The following PARD3 variants were observed in gnomAD, a reference collection of about 807,000 sequenced individuals.
PARD3 encodes the protein par-3 family cell polarity regulator.
In PARD3, 75 loss-of-function variants were observed where a neutral mutation model predicts 155.4. That is an observed-to-expected ratio of 0.48 (90% CI 0.40 to 0.58). The LOEUF is 0.58. PARD3 is among the 20% of genes least tolerant of loss of function. The pLI is 0.00. For synonymous variants in PARD3, 576 were observed against 610.5 expected, an observed-to-expected ratio of 0.94 and a Z score of 0.83; for missense variants, 1,642 against 1,721.7, an observed-to-expected ratio of 0.95 and a Z score of 0.82.
chr10:34,507,550 A>AAAACAAAAAAC (rs1554880673), intron 3 of PARD3, among the ~76,000 whole-genome samples: 2 of 129,226 alleles, frequency 1.5e-5, no homozygotes, highest in African/African-American at 7.2e-5. Flanking sequence ...TAAAAAAACA[A>AAAACAAAAAAC]AAAAAAAAAA....
At chr10:34,553,150 A>G (rs2084723260) in intron 2 of PARD3, among the ~76,000 whole-genome samples, 1 of 152,182 alleles carries the variant, frequency 6.6e-6, no homozygotes. Context: ...AAGCCTGGGA[A>G]ATAGTCTCCT....
At chr10:34,786,448 C>CAT (rs1840973292) in intron 1 of PARD3, among the ~76,000 whole-genome samples, 1 of 152,204 alleles carries the variant, frequency 6.6e-6, no homozygotes, top group African/African-American at 2.4e-5. Context: ...TATTTTACAG[C>CAT]AGTTAGGCCC....
rs767937298 is a variant in PARD3, at chr10:34,111,319, G to A, written c.3912C>T (p.Pro1304=). Residue 1304 remains proline (P), a synonymous_variant, in exon 25 of 25, where the codon CCC becomes CCT. Transcript: ENST00000374788. ...CTTTCTTATACGAGTCATAGTTGCT[G>A]GGCCCCTCGGAAGGAGGCTGCTTCT... ...QMKKQPPSEG[P]SNYDSYKKVQ... 2 of 1,613,954 alleles carry A rather than the reference G, an allele frequency of 1.2e-6. No individual in the cohort carries two copies. The highest frequency in any genetic ancestry group is 1.7e-6 in the Non-Finnish European group (2 of 1,179,874).
At chr10:34,422,858 G>A (rs1008709527) in intron 5 of PARD3, among the ~76,000 whole-genome samples, 3 of 152,118 alleles carry the variant, frequency 2.0e-5, no homozygotes, top group African/African-American at 7.2e-5. Flanking sequence ...CGGCTATTAT[G>A]AAAAAGGGTA....
intron 22 of PARD3, among the ~76,000 whole-genome samples, chr10:34,219,963 C>G (rs890224687): frequency 1.3e-5 from 2 of 152,124 alleles, no homozygotes; most frequent in African/African-American, 4.8e-5. Context: ...TTTTGTTTTA[C>G]GAACGCATCA....
chr10:34,205,215 G>A (rs886453977), intron 22 of PARD3, among the ~76,000 whole-genome samples: 3 of 152,154 alleles, frequency 2.0e-5, no homozygotes, highest in Non-Finnish European at 4.4e-5. Flanking sequence ...TGATGCTGAG[G>A]TCACTGGGAC....
At chr10:34,316,839 A>G (rs935433187) in intron 20 of PARD3, among the ~76,000 whole-genome samples, 2 of 152,220 alleles carry the variant, frequency 1.3e-5, no homozygotes, top group Admixed American at 6.5e-5. Context: ...AGATTATACA[A>G]GAATTTTGGT....
At chr10:34,431,192 C>T (rs2075880097) in intron 5 of PARD3, among the ~76,000 whole-genome samples, 1 of 152,146 alleles carries the variant, frequency 6.6e-6, no homozygotes, top group South Asian at 2.1e-4. Context: ...ACCCCTGATG[C>T]TACCCCTTCA....
At chr10:34,190,995 C>T (rs780293202) in intron 22 of PARD3, among the ~76,000 whole-genome samples, 26 of 151,978 alleles carry the variant, frequency 1.7e-4, no homozygotes, top group Non-Finnish European at 3.5e-4. Context: ...AGCCCAGACC[C>T]CTTAAGACAG....
At chr10:34,567,786 T>A (rs990574014) in intron 2 of PARD3, among the ~76,000 whole-genome samples, 1 of 152,192 alleles carries the variant, frequency 6.6e-6, no homozygotes, top group Non-Finnish European at 1.5e-5. Context: ...CGTGAAGCTA[T>A]CAATATTGTA....
chr10:34,734,011 T>C (rs1174737223), intron 1 of PARD3, among the ~76,000 whole-genome samples: 2 of 151,796 alleles, frequency 1.3e-5, no homozygotes, highest in South Asian at 2.1e-4. Flanking sequence ...TTATTTCCCA[T>C]TGACAAAATT....
intron 21 of PARD3, among the ~76,000 whole-genome samples, chr10:34,276,838 C>CT (rs1413521705): frequency 6.6e-6 from 1 of 152,106 alleles, no homozygotes; most frequent in East Asian, 1.9e-4. Context: ...CAACACATCT[C>CT]TTTTTACATG....
intron 2 of PARD3, among the ~76,000 whole-genome samples, chr10:34,636,043 G>C (rs1309794593): frequency 6.6e-6 from 1 of 151,302 alleles, no homozygotes; most frequent in Non-Finnish European, 1.5e-5. Context: ...GAAGAAGAAA[G>C]AAAGAAAGAA....
At chr10:34,739,602 T>C (rs2094972613) in intron 1 of PARD3, among the ~76,000 whole-genome samples, 1 of 152,174 alleles carries the variant, frequency 6.6e-6, no homozygotes, top group Non-Finnish European at 1.5e-5. Context: ...TGATATCCCC[T>C]CCTCTTGCCC....
intron 1 of PARD3, among the ~76,000 whole-genome samples, chr10:34,733,553 G>A (rs1022945145): frequency 5.9e-5 from 9 of 152,178 alleles, no homozygotes; most frequent in Middle Eastern, 3.4e-3. Flanking sequence ...GCACCATCTC[G>A]GCTCACCACG....
intron 4 of PARD3, among the ~76,000 whole-genome samples, chr10:34,462,293 G>A (rs1273088678): frequency 2.0e-5 from 3 of 152,164 alleles, no homozygotes; most frequent in African/African-American, 4.8e-5. Context: ...TAAGCTTTTG[G>A]ATGGTTACCA....
In PARD3 at chr10:34,606,826, G is replaced by A. The variant is rs183103187; in HGVS notation, c.222+89492C>T. Among the ~76,000 whole-genome samples, 8 of 151,796 alleles carry A rather than the reference G, an allele frequency of 5.3e-5. No homozygotes were observed. The East Asian group carries it at 1.6e-3, about 29-fold the overall frequency. ...TACTAAAAATACAAAAATTAGCTGG[G>A]CATGGTGGTGCACGCCTGTAGTCCC... On this transcript the variant is annotated intron_variant, in intron 2 of 24. Transcript: ENST00000374788.
chr10:34,231,762 C>A (rs138231364), intron 22 of PARD3, among the ~76,000 whole-genome samples: 4 of 151,948 alleles, frequency 2.6e-5, no homozygotes, highest in Non-Finnish European at 5.9e-5. Context: ...AACATAAGCA[C>A]GCTCAGTGAT....
chr10:34,782,649 T>C lies in PARD3; in HGVS notation c.120+32227A>G, dbSNP rs373138377. Among the ~76,000 whole-genome samples the C allele has an allele frequency of 1.2e-3, 181 of 152,098 alleles. 1 individual carries two copies. Among genetic ancestry groups the C allele is most frequent in the African/African-American group, 4.1e-3 (168 of 41,474 alleles). On this transcript the variant is annotated intron_variant, in intron 1 of 24. Coordinates refer to ENST00000374788, the MANE Select transcript of PARD3 (RefSeq NM_001184785.2). ...CCAGCAACTTACGGAGATTAATTTT[T>C]CTCCCATCCCCACTCTACACCAACT... is the stretch of plus-strand genomic sequence containing the variant.
Sources: gnomAD v4.1 joint callset for allele counts (sites outside exome capture counted in the v4.1 genomes callset) on GRCh38, gnomAD v4.1.1 for gene constraint, MANE v1.5 for transcripts, NCBI Gene and HGNC (gene_info 2026-07-23, HGNC 2026-07-21) for gene names.